Variants in HS6ST2 observed in about 807,000 individuals in gnomAD.
HS6ST2 encodes the protein heparan sulfate 6-O-sulfotransferase 2.
Under a neutral mutation model 33.0 loss-of-function variants are expected in HS6ST2, and 17 were observed. That is an observed-to-expected ratio of 0.52 (90% CI 0.35 to 0.77). The LOEUF is 0.77. Among genes scored for constraint, HS6ST2 ranks in the 30% least tolerant of loss-of-function variants. The probability of loss-of-function intolerance (pLI) is 0.01; values close to 1 mark genes in which losing one functional copy is unlikely to be tolerated. For missense variants in HS6ST2, 519 were observed against 551.7 expected (o/e 0.94, Z 0.59); for synonymous variants, 248 against 237.1 (o/e 1.05, Z -0.42).
At chrX:132,907,712 G>T (rs1419037821) in intron 2 of HS6ST2, 2 of 111,731 alleles carry the variant, frequency 1.8e-5, no homozygotes, top group Non-Finnish European at 3.8e-5. Context: ...GGGTCAAGTC[G>T]ACGTCCACAT....
intron 2 of HS6ST2, among the ~76,000 whole-genome samples, chrX:132,915,376 A>G (rs1431225947): frequency 8.9e-6 from 1 of 112,277 alleles, no homozygotes; most frequent in Non-Finnish European, 1.9e-5. Context: ...CAATAAAATG[A>G]TGTTCTTGCA....
At chrX:132,781,362 A>C (rs2065015307) in intron 2 of HS6ST2, among the ~76,000 whole-genome samples, 1 of 111,618 alleles carries the variant, frequency 9.0e-6, no homozygotes, top group Admixed American at 9.6e-5. Context: ...AGCTTCATAG[A>C]GGGGAAGACA....
chrX:132,957,006 A>G lies in HS6ST2; in HGVS notation c.749T>C (p.Ile250Thr). ...GCACTCGCACGGCTGCTCCAGCTGGATGTTACGCACCAAGTGGCGGCCGAA... is the reference window on the plus strand; with the variant it reads ...GCACTCGCACGGCTGCTCCAGCTGGGTGTTACGCACCAAGTGGCGGCCGAA... The part of the protein sequence containing the change: ...TTFGRHLVRN[I>T]QLEQPCECRV... Residue 250 changes from isoleucine (I) to threonine (T), a missense_variant, in exon 2 of 5, where the codon ATC becomes ACC. Transcript: ENST00000370833. 1 of 1,211,629 alleles carries G rather than the reference A, an allele frequency of 8.3e-7. No individual in the cohort carries two copies. The highest frequency in any genetic ancestry group is 1.1e-6 in the Non-Finnish European group (1 of 895,312).
intron 4 of HS6ST2, among the ~76,000 whole-genome samples, chrX:132,653,175 T>C (rs954551199): frequency 9.0e-6 from 1 of 111,673 alleles, no homozygotes; most frequent in African/African-American, 3.3e-5. Context: ...GACCATTTTT[T>C]AAAGTATTAG....
chrX:132,728,211 A>G (rs981033099), intron 2 of HS6ST2, among the ~76,000 whole-genome samples: 1 of 112,227 alleles, frequency 8.9e-6, no homozygotes, highest in Non-Finnish European at 1.9e-5. Context: ...AGAAACTGCC[A>G]AAGTGTTTTC....
At chrX:132,759,790 T>C (rs1297606604) in intron 2 of HS6ST2, among the ~76,000 whole-genome samples, 3 of 111,683 alleles carry the variant, frequency 2.7e-5, no homozygotes, top group Admixed American at 9.5e-5. Flanking sequence ...ACAACAACAA[T>C]ACAATCAGCT....
At chrX:132,917,459 G>A (rs1196586819) in intron 2 of HS6ST2, among the ~76,000 whole-genome samples, 4 of 110,820 alleles carry the variant, frequency 3.6e-5, no homozygotes, top group Non-Finnish European at 7.6e-5. Context: ...AATTAGCGGG[G>A]CATGGTGGTG....
At chrX:132,674,807 G>A (rs921467456) in intron 3 of HS6ST2, among the ~76,000 whole-genome samples, 7 of 112,096 alleles carry the variant, frequency 6.2e-5, no homozygotes, top group Admixed American at 5.7e-4. Context: ...TGTTGCGTTC[G>A]CATCTAACTC....
chrX:132,784,395 C>T (rs1414279873), intron 2 of HS6ST2, among the ~76,000 whole-genome samples: 3 of 111,403 alleles, frequency 2.7e-5, no homozygotes, highest in African/African-American at 6.5e-5. Flanking sequence ...CCACAACCGG[C>T]GCCTCCCAGG....
At chrX:132,740,214 C>G (rs1412190645) in intron 2 of HS6ST2, among the ~76,000 whole-genome samples, 1 of 112,377 alleles carries the variant, frequency 8.9e-6, no homozygotes, top group Non-Finnish European at 1.9e-5. Flanking sequence ...AATAATTTCT[C>G]TTGTTAGTTT....
intron 2 of HS6ST2, among the ~76,000 whole-genome samples, chrX:132,776,337 C>A (rs946743993): frequency 8.9e-6 from 1 of 111,951 alleles, no homozygotes; most frequent in Non-Finnish European, 1.9e-5. Flanking sequence ...ATGTGAAGAA[C>A]AAGACAATTA....
At chrX:132,637,826 T>TA (rs2063562588) in intron 4 of HS6ST2, among the ~76,000 whole-genome samples, 1 of 53,889 alleles carries the variant, frequency 1.9e-5, no homozygotes, top group African/African-American at 1.0e-4. Context: ...ATATATATAA[T>TA]ATTATATATA....
At chrX:132,733,967 A>C (rs2148280000) in intron 2 of HS6ST2, among the ~76,000 whole-genome samples, 1 of 104,331 alleles carries the variant, frequency 9.6e-6, no homozygotes, top group African/African-American at 3.5e-5. Flanking sequence ...AACTTTACCT[A>C]TATTTTAGGG....
At chrX:132,903,000 G>A (rs1313296212) in intron 2 of HS6ST2, among the ~76,000 whole-genome samples, 1 of 111,599 alleles carries the variant, frequency 9.0e-6, no homozygotes, top group Non-Finnish European at 1.9e-5. Context: ...TTGGAAAAGA[G>A]GATGTAAAAC....
At chrX:132,658,222 C>T (rs2063745187) in intron 4 of HS6ST2, among the ~76,000 whole-genome samples, 1 of 111,536 alleles carries the variant, frequency 9.0e-6, no homozygotes, top group Non-Finnish European at 1.9e-5. Flanking sequence ...TGGGTATGGG[C>T]AACACCATCT....
At chrX:132,815,831 CTG>C (rs1425312711) in intron 2 of HS6ST2, among the ~76,000 whole-genome samples, 2 of 111,071 alleles carry the variant, frequency 1.8e-5, no homozygotes, top group Non-Finnish European at 3.8e-5. Context: ...TTGCCTAGGG[CTG>C]TGAGTAATAG....
At chrX:132,824,331 C>T (rs1405282923) in intron 2 of HS6ST2, among the ~76,000 whole-genome samples, 1 of 112,104 alleles carries the variant, frequency 8.9e-6, no homozygotes, top group African/African-American at 3.2e-5. Flanking sequence ...CACCAGGTCC[C>T]AGCAAATGCA....
chrX:132,911,116 C>T (rs938558773), intron 2 of HS6ST2, among the ~76,000 whole-genome samples: 37 of 104,104 alleles, frequency 3.6e-4, no homozygotes, highest in African/African-American at 1.3e-3. Context: ...CAGCACTGCA[C>T]TCCAGCCTGG....
intron 4 of HS6ST2, among the ~76,000 whole-genome samples, chrX:132,648,793 C>T (rs1231057981): frequency 9.0e-6 from 1 of 111,429 alleles, no homozygotes; most frequent in Non-Finnish European, 1.9e-5. Context: ...CAGTCTGATT[C>T]TTGGTTGGGT....
Sources: allele counts gnomAD v4.1 joint callset (sites outside exome capture counted in the v4.1 genomes callset), GRCh38; gene constraint gnomAD v4.1.1; transcripts MANE v1.5; gene names NCBI Gene and HGNC (gene_info 2026-07-23, HGNC 2026-07-21).